The following KCNN3 variants were observed in gnomAD, a reference collection of about 807,000 sequenced individuals.
KCNN3 encodes the protein potassium calcium-activated channel subfamily N member 3.
A neutral mutation model predicts 62.9 loss-of-function variants in KCNN3; 16 were observed. The observed-to-expected ratio is 0.25, with a 90% confidence interval of 0.17 to 0.39. The LOEUF (loss-of-function observed/expected upper bound fraction) is 0.39, where lower values mean the gene tolerates loss of function less well. KCNN3 is among the 10% of genes least tolerant of loss of function. The pLI is 1.00. For missense variants in KCNN3, 599 were observed against 949.4 expected (o/e 0.63, Z 4.85); for synonymous variants, 370 against 389.2 (o/e 0.95, Z 0.58).
chr1:154,789,629 A>C (rs2101860653), intron 2 of KCNN3, among the ~76,000 whole-genome samples: 1 of 152,326 alleles, frequency 6.6e-6, no homozygotes, highest in East Asian at 1.9e-4. Flanking sequence ...GGAACCAAGA[A>C]GTGAATGACT....
chr1:154,746,200 A>C (rs909899336), intron 3 of KCNN3, among the ~76,000 whole-genome samples: 2 of 152,224 alleles, frequency 1.3e-5, no homozygotes, highest in Non-Finnish European at 2.9e-5. Flanking sequence ...AGTTCTAGGA[A>C]GAAGGCAGAC....
chr1:154,755,789 G>GAGT (rs1467633626), intron 3 of KCNN3, among the ~76,000 whole-genome samples: 3 of 147,238 alleles, frequency 2.0e-5, no homozygotes, highest in African/African-American at 7.5e-5. Flanking sequence ...AGAGAGAGGG[G>GAGT]AGGAGGAGGA....
chr1:154,714,773 G>T, intron 6 of KCNN3, 103 bp downstream of exon 6: 1 of 1,475,712 alleles, frequency 6.8e-7, no homozygotes, highest in Non-Finnish European at 9.5e-7. Flanking sequence ...TCCACTTGTT[G>T]AGTGGAACAG....
intron 4 of KCNN3, 35 bp downstream of exon 4, chr1:154,732,968 T>C: frequency 6.2e-7 from 1 of 1,613,274 alleles, no homozygotes. Flanking sequence ...TTGCCACATT[T>C]TAAGGGTAGG....
chr1:154,812,504 G>A (rs558253049), intron 2 of KCNN3, among the ~76,000 whole-genome samples: 6 of 151,974 alleles, frequency 3.9e-5, no homozygotes, highest in South Asian at 2.1e-4. Flanking sequence ...GAGAACATGC[G>A]GTGTTTGGTT....
intron 3 of KCNN3, among the ~76,000 whole-genome samples, chr1:154,753,515 G>A (rs1001962502): frequency 4.6e-5 from 7 of 152,180 alleles, no homozygotes; most frequent in African/African-American, 7.2e-5. Flanking sequence ...GACTCACTCT[G>A]TAACACACCT....
intron 2 of KCNN3, among the ~76,000 whole-genome samples, chr1:154,802,677 C>T (rs564049485): frequency 1.3e-5 from 2 of 152,024 alleles, no homozygotes; most frequent in Middle Eastern, 3.2e-3. Flanking sequence ...ACAATTTCTA[C>T]ACTATTAAAG....
At chr1:154,713,661 A>G in intron 6 of KCNN3, 128 bp from the exon 7 acceptor site, 1 of 753,226 alleles carries the variant, frequency 1.3e-6, no homozygotes, top group Non-Finnish European at 2.3e-6. Context: ...GAACCTGGGG[A>G]ACAACTGAGG....
At chr1:154,823,755 T>C (rs950866043) in intron 1 of KCNN3, among the ~76,000 whole-genome samples, 8 of 152,176 alleles carry the variant, frequency 5.3e-5, no homozygotes, top group Admixed American at 1.3e-4. Flanking sequence ...GAGGCCACTG[T>C]GGATGGGTCA....
chr1:154,832,337 A>C (rs1279612661), intron 1 of KCNN3, among the ~76,000 whole-genome samples: 2 of 151,956 alleles, frequency 1.3e-5, no homozygotes. Context: ...ACTATGCATC[A>C]GGTTCTGAAG....
chr1:154,839,823 G>A (rs930198046), intron 1 of KCNN3, among the ~76,000 whole-genome samples: 3 of 152,164 alleles, frequency 2.0e-5, no homozygotes, highest in Non-Finnish European at 2.9e-5. Flanking sequence ...AAACACAGAC[G>A]GGACAAGGTG....
chr1:154,722,820 C>T (rs1056305960), intron 5 of KCNN3, among the ~76,000 whole-genome samples: 2 of 151,334 alleles, frequency 1.3e-5, no homozygotes, highest in African/African-American at 4.9e-5. Flanking sequence ...TAAACTCTGC[C>T]TCCCAGATTC....
chr1:154,834,176 T>G (rs1651487467), intron 1 of KCNN3, among the ~76,000 whole-genome samples: 1 of 152,230 alleles, frequency 6.6e-6, no homozygotes, highest in Non-Finnish European at 1.5e-5. Context: ...ACCAGACTGC[T>G]GCCAACCTGC....
At chr1:154,775,832 C>A (rs1360543170) in intron 2 of KCNN3, among the ~76,000 whole-genome samples, 1 of 152,156 alleles carries the variant, frequency 6.6e-6, no homozygotes, top group Admixed American at 6.5e-5. Flanking sequence ...AACTGCCGCC[C>A]GACAGGCCAA....
chr1:154,830,603 G>C (rs1018951787), intron 1 of KCNN3, among the ~76,000 whole-genome samples: 9 of 152,188 alleles, frequency 5.9e-5, no homozygotes, highest in African/African-American at 1.9e-4. Context: ...CAGTGGTCTC[G>C]ACACAAAACT....
chr1:154,841,735 C>T (rs1478972045), intron 1 of KCNN3, among the ~76,000 whole-genome samples: 1 of 152,160 alleles, frequency 6.6e-6, no homozygotes, highest in African/African-American at 2.4e-5. Context: ...AATGAGAGCA[C>T]CTGCAGACAT....
chr1:154,816,783 C>T (rs535846962), intron 2 of KCNN3, among the ~76,000 whole-genome samples: 85 of 152,346 alleles, frequency 5.6e-4, no homozygotes, highest in Middle Eastern at 3.4e-3. Context: ...ATGAAGAGTG[C>T]TGTCTAAAAT....
At chr1:154,733,229 A>T (rs762092447) in intron 3 of KCNN3, 85 bp from the exon 4 acceptor site, 2 of 1,425,596 alleles carry the variant, frequency 1.4e-6, no homozygotes, top group Non-Finnish European at 2.0e-6. Context: ...GGGGAAGGAA[A>T]TGAGATATTT....
chr1:154,786,006 T>G (rs1649266742), intron 2 of KCNN3, among the ~76,000 whole-genome samples: 1 of 152,150 alleles, frequency 6.6e-6, no homozygotes, highest in African/African-American at 2.4e-5. Flanking sequence ...GAGACAGGAT[T>G]TAAACCAAGA....
Sources: gnomAD v4.1 joint callset for allele counts (sites outside exome capture counted in the v4.1 genomes callset) on GRCh38, gnomAD v4.1.1 for gene constraint, MANE v1.5 for transcripts, NCBI Gene and HGNC (gene_info 2026-07-23, HGNC 2026-07-21) for gene names.